THSD7B: variants seen among roughly 807,000 people sequenced by gnomAD.
THSD7B encodes the protein thrombospondin type-1 domain-containing protein 7B.
A neutral mutation model predicts 213.6 loss-of-function variants in THSD7B; 138 were observed. The observed-to-expected ratio is 0.65, with a 90% CI of 0.56 to 0.74. THSD7B has a LOEUF of 0.74. Among genes scored for constraint, THSD7B ranks in the 30% least tolerant of loss-of-function variants. The probability of loss-of-function intolerance (pLI) is 0.00; values close to 1 mark genes in which losing one functional copy is unlikely to be tolerated. For synonymous variants in THSD7B, 742 were observed against 687.0 expected (o/e 1.08, Z -1.25); for missense variants, 1,931 against 1,991.5 (o/e 0.97, Z 0.58).
In THSD7B at chr2:137,503,682, C is replaced by T. The variant is rs150672317; in HGVS notation, c.3138+52659C>T. 3.5e-3 allele frequency among the ~76,000 whole-genome samples: 536 copies of T among 152,208 alleles called. 3 individuals are homozygous for T. Among genetic ancestry groups the T allele is most frequent in the African/African-American group, 0.012 (514 of 41,522 alleles). On this transcript the variant is annotated intron_variant, in intron 15 of 27. Coordinates refer to ENST00000409968, the MANE Select transcript of THSD7B (RefSeq NM_001316349.2). The stretch of plus-strand genomic sequence containing the variant: ...TCAAGGTACATAATATTTGTGAACC[C>T]TAGTTCCCTCCTCTGTTAAGCGGAA...
intron 15 of THSD7B, among the ~76,000 whole-genome samples, chr2:137,473,098 T>C (rs2105094920): frequency 6.6e-6 from 1 of 151,880 alleles, no homozygotes; most frequent in South Asian, 2.1e-4. Context: ...TAATTGTTTT[T>C]TTTTTTTTTG....
chr2:136,777,661 T>C (rs1458775854), intron 1 of THSD7B, among the ~76,000 whole-genome samples: 1 of 152,148 alleles, frequency 6.6e-6, no homozygotes. Context: ...ACTGAAGATT[T>C]AGACAAGGAA....
intron 22 of THSD7B, among the ~76,000 whole-genome samples, chr2:137,656,179 C>T (rs1443330547): frequency 2.0e-5 from 3 of 152,016 alleles, no homozygotes; most frequent in African/African-American, 7.3e-5. Context: ...ATCCTAGTAA[C>T]ACAACATAGT....
intron 20 of THSD7B, among the ~76,000 whole-genome samples, chr2:137,640,158 G>C (rs1682912745): frequency 6.6e-6 from 1 of 152,160 alleles, no homozygotes; most frequent in African/African-American, 2.4e-5. Flanking sequence ...GACCCAGGGG[G>C]AGGTAACTGA....
At chr2:136,800,215 C>T (rs1407616344) in intron 1 of THSD7B, among the ~76,000 whole-genome samples, 1 of 151,926 alleles carries the variant, frequency 6.6e-6, no homozygotes, top group Non-Finnish European at 1.5e-5. Flanking sequence ...TTTCAACTCC[C>T]AGACCACCAA....
chr2:137,623,709 T>C (rs1682566812), intron 20 of THSD7B, among the ~76,000 whole-genome samples: 1 of 152,190 alleles, frequency 6.6e-6, no homozygotes, highest in African/African-American at 2.4e-5. Context: ...AGCCAAATCA[T>C]GAGTGAACTC....
At chr2:137,245,019 T>G (rs1681994783) in intron 10 of THSD7B, among the ~76,000 whole-genome samples, 1 of 152,060 alleles carries the variant, frequency 6.6e-6, no homozygotes, top group African/African-American at 2.4e-5. Flanking sequence ...TCCCAGAAAT[T>G]TTCAGTTGTA....
intron 17 of THSD7B, among the ~76,000 whole-genome samples, chr2:137,576,279 A>G (rs1340935947): frequency 1.3e-5 from 2 of 152,120 alleles, no homozygotes; most frequent in South Asian, 2.1e-4. Context: ...ACTGTTGTAT[A>G]TTTTGCAGAA....
chr2:137,075,971 C>A (rs1687613218), intron 3 of THSD7B, among the ~76,000 whole-genome samples: 1 of 152,144 alleles, frequency 6.6e-6, no homozygotes, highest in Non-Finnish European at 1.5e-5. Flanking sequence ...GAGTACCCGG[C>A]CGTGTAAGGT....
At chr2:136,844,413 C>A (rs1464957408) in intron 1 of THSD7B, among the ~76,000 whole-genome samples, 2 of 149,816 alleles carry the variant, frequency 1.3e-5, no homozygotes. Flanking sequence ...CTACCTAGGG[C>A]AAGATTTTTC....
chr2:137,370,543 AC>A (rs1685518614), intron 12 of THSD7B, among the ~76,000 whole-genome samples: 1 of 152,150 alleles, frequency 6.6e-6, no homozygotes, highest in Non-Finnish European at 1.5e-5. Flanking sequence ...ATCTCAGCTC[AC>A]TGCAACCTCT....
Position 137,056,895 on chromosome 2 carries a change from G to A in THSD7B, c.615G>A (p.Ala205=), listed in dbSNP as rs745457127. The A allele has an allele frequency of 6.7e-5, 108 of 1,613,692 alleles. No individual in the cohort carries two copies. The highest frequency in any genetic ancestry group is 9.0e-5 in the Non-Finnish European group (106 of 1,179,868). ...CGKKLQHRTR[A]VIAPPLFGGL... ...AGAAATTGCAGCATAGAACTCGCGCGGTCATAGCTCCCCCTCTCTTTGGTG... is the reference window on the plus strand; with the variant it reads ...AGAAATTGCAGCATAGAACTCGCGCAGTCATAGCTCCCCCTCTCTTTGGTG... Residue 205 remains alanine, a synonymous_variant, in exon 3 of 28, where the codon GCG becomes GCA. Transcript: ENST00000409968.
intron 1 of THSD7B, among the ~76,000 whole-genome samples, chr2:136,829,671 G>A (rs536129311): frequency 6.6e-6 from 1 of 152,228 alleles, no homozygotes; most frequent in East Asian, 1.9e-4. Context: ...AAGATGAGGA[G>A]CACATACTGG....
At chr2:137,285,110 A>T (rs1172537726) in intron 12 of THSD7B, among the ~76,000 whole-genome samples, 2 of 152,108 alleles carry the variant, frequency 1.3e-5, no homozygotes, top group East Asian at 3.8e-4. Flanking sequence ...TATATTTAGG[A>T]TAGTTAGTTC....
At chr2:137,128,593 G>A (rs149303871) in intron 5 of THSD7B, among the ~76,000 whole-genome samples, 121 of 152,240 alleles carry the variant, frequency 7.9e-4, no homozygotes, top group African/African-American at 2.7e-3. Context: ...ATAGTAAAAC[G>A]TGCAAATTGA....
At chr2:136,995,800 C>T (rs550637095) in intron 2 of THSD7B, among the ~76,000 whole-genome samples, 3 of 152,156 alleles carry the variant, frequency 2.0e-5, no homozygotes, top group African/African-American at 7.2e-5. Context: ...AAAAGCTTGT[C>T]GAAGGTAGAA....
chr2:137,502,067 A>G (rs1218873250), intron 15 of THSD7B, among the ~76,000 whole-genome samples: 4 of 152,178 alleles, frequency 2.6e-5, no homozygotes, highest in Admixed American at 2.6e-4. Flanking sequence ...AAGCCAATAA[A>G]TGATGTGTAG....
intron 12 of THSD7B, among the ~76,000 whole-genome samples, chr2:137,358,803 T>C (rs956123482): frequency 2.0e-5 from 3 of 152,188 alleles, no homozygotes; most frequent in Non-Finnish European, 4.4e-5. Flanking sequence ...TCTTATTCAA[T>C]GGCTATTTCA....
chr2:137,245,052 G>A (rs563734640), intron 10 of THSD7B, among the ~76,000 whole-genome samples: 2 of 152,230 alleles, frequency 1.3e-5, no homozygotes, highest in Admixed American at 6.5e-5. Flanking sequence ...CCCCTGAATG[G>A]TGACCCTCCT....
Sources: gnomAD v4.1 joint callset for allele counts (sites outside exome capture counted in the v4.1 genomes callset) on GRCh38, gnomAD v4.1.1 for gene constraint, MANE v1.5 for transcripts, NCBI Gene and HGNC (gene_info 2026-07-23, HGNC 2026-07-21) for gene names.